The following FGFR1 variants were observed in gnomAD, a reference collection of about 807,000 sequenced individuals.
The protein encoded by FGFR1 is FGFR1/PLAG1 fusion.
In FGFR1, 18 loss-of-function variants were observed where a neutral mutation model predicts 93.7. The ratio of observed to expected loss-of-function variants is 0.19; its 90% CI spans 0.13 to 0.28. The LOEUF (loss-of-function observed/expected upper bound fraction) is 0.28. Among genes scored for constraint, FGFR1 ranks in the 10% least tolerant of loss-of-function variants. The probability of loss-of-function intolerance (pLI) is 1.00; values close to 1 mark genes in which losing one functional copy is unlikely to be tolerated. For synonymous variants in FGFR1, 448 were observed against 429.3 expected, an observed-to-expected ratio of 1.04 and a Z score of -0.54; for missense variants, 731 against 1,080.4, an observed-to-expected ratio of 0.68 and a Z score of 4.53.
intron 2 of FGFR1, among the ~76,000 whole-genome samples, chr8:38,453,630 G>T (rs1307996510): frequency 6.6e-6 from 1 of 152,148 alleles, no homozygotes; most frequent in Non-Finnish European, 1.5e-5. Flanking sequence ...GGCCAGGTGT[G>T]GTGGCTCACA....
Position 38,417,302 on chromosome 8 carries a change from C to T in FGFR1, c.1663+4G>A, listed in dbSNP as rs1817026274. On this transcript the variant is annotated splice_donor_region_variant and intron_variant, in intron 12 of 17. Transcript: ENST00000447712. ...CAGGGAAAGCCAGTCTGGCCGGCACCCACCATCCTGCGTGCAGGCCCCCAG... is the reference window on the plus strand; with the variant it reads ...CAGGGAAAGCCAGTCTGGCCGGCACTCACCATCCTGCGTGCAGGCCCCCAG... 1 of 1,608,898 alleles carries T rather than the reference C, an allele frequency of 6.2e-7. No homozygotes were observed. Among genetic ancestry groups the T allele is most frequent in the Non-Finnish European group, 8.5e-7 (1 of 1,176,620 alleles).
chr8:38,414,400 C>A, intron 15 of FGFR1, 111 bp from the exon 16 acceptor site: 27 of 1,572,554 alleles, frequency 1.7e-5, no homozygotes, highest in Non-Finnish European at 2.3e-5. Context: ...AACAGATCAG[C>A]CTTTCAACAT....
rs1006873781 is a variant in FGFR1 at position 38,428,288 on chromosome 8, C to T, written c.448+58G>A. 2.6e-6 allele frequency: 4 copies of T among 1,562,980 alleles called. No homozygotes were observed. The African/African-American group carries it at 5.4e-5, about 21-fold the overall frequency. ...TTCCTCCCCTTTCAGCCTTCCCCTC[C>T]CCTCTTAAACCCAATGCCCAGACCC... On this transcript the variant is annotated intron_variant, in intron 4 of 17. Coordinates refer to ENST00000447712, the MANE Select transcript of FGFR1 (RefSeq NM_023110.3).
chr8:38,467,191 G>C (rs1586831358), intron 1 of FGFR1, among the ~76,000 whole-genome samples: 1 of 151,914 alleles, frequency 6.6e-6, no homozygotes, highest in African/African-American at 2.4e-5. Flanking sequence ...CCCACACCTC[G>C]GCTTAACGAC....
At chr8:38,433,679 C>T (rs1586447781) in intron 2 of FGFR1, among the ~76,000 whole-genome samples, 2 of 152,202 alleles carry the variant, frequency 1.3e-5, no homozygotes, top group African/African-American at 4.8e-5. Context: ...ATCAATGTCT[C>T]ATCTCTAATT....
In FGFR1 at chr8:38,426,293, C is replaced by A; in HGVS notation, c.622-48G>T. On this transcript the variant is annotated intron_variant, in intron 5 of 17. Transcript: ENST00000447712. This position sits in a 1 kb window ranked among gnomAD's most constrained non-coding sequence, Gnocchi z 4.1. ...TACATTGAGGGTCCAGAGGAAAATG[C>A]AGGCCCCATGACAATGTCGGCACCC... 1 of 1,612,070 alleles carries A rather than the reference C, an allele frequency of 6.2e-7. No homozygotes were observed. Among genetic ancestry groups the A allele is most frequent in the South Asian group, 1.1e-5 (1 of 90,998 alleles).
intron 3 of FGFR1, 96 bp from the exon 4 acceptor site, chr8:38,428,531 A>G: frequency 1.1e-6 from 1 of 914,550 alleles, no homozygotes; most frequent in Non-Finnish European, 1.8e-6. Flanking sequence ...CACCCTCCCC[A>G]TGGGGATCCC....
intron 2 of FGFR1, among the ~76,000 whole-genome samples, chr8:38,444,157 T>G (rs1222488594): frequency 2.0e-5 from 3 of 151,972 alleles, no homozygotes; most frequent in African/African-American, 7.3e-5. Context: ...TGATCCTTTG[T>G]TGGTTCCAAA....
In FGFR1 at chr8:38,420,156, C is replaced by A. The variant is rs17182387; in HGVS notation, c.1082-421G>T. The A allele has an allele frequency of 3.6e-3, 692 of 194,218 alleles. 8 individuals are homozygous for A. The highest frequency in any genetic ancestry group is 0.015 in the African/African-American group (661 of 43,630). 12.0% of individuals were successfully genotyped at this position (194,218 alleles called of 1,614,324 possible). A position where few individuals can be genotyped will look rare whatever the true frequency, so the allele number is the denominator to read the frequency against. On this transcript the variant is annotated intron_variant, in intron 8 of 17. Transcript: ENST00000447712. ...CTCAGCACTGTGTGCATGCACTTAACATGCGGGGACACAGATGTTTCTGAG... is the reference window on the plus strand; with the variant it reads ...CTCAGCACTGTGTGCATGCACTTAAAATGCGGGGACACAGATGTTTCTGAG...
chr8:38,428,704 T>G, intron 3 of FGFR1: 1 of 506,114 alleles, frequency 2.0e-6, no homozygotes, highest in Non-Finnish European at 3.6e-6. Flanking sequence ...TTAACTTAAT[T>G]CCGTCCTACA....
intron 9 of FGFR1, 146 bp downstream of exon 9, chr8:38,419,387 A>G: frequency 1.3e-6 from 1 of 760,336 alleles, no homozygotes; most frequent in Non-Finnish European, 2.3e-6. Context: ...ACTCTAGAGC[A>G]CTTAGTTCAT....
At chr8:38,461,211 T>C (rs906214494) in intron 1 of FGFR1, 11 of 1,421,660 alleles carry the variant, frequency 7.7e-6, no homozygotes, top group African/African-American at 4.2e-5. Context: ...TCTGGTGAGA[T>C]AGCAGGGGCT....
chr8:38,451,609 T>C (rs757628184), intron 2 of FGFR1, among the ~76,000 whole-genome samples: 3 of 152,058 alleles, frequency 2.0e-5, no homozygotes, highest in Non-Finnish European at 4.4e-5. Context: ...GAGGCCAGAA[T>C]GGAAATGTGT....
rs2150753606 is a variant in FGFR1, at chr8:38,421,832, A to T, written c.1046T>A (p.Leu349His). The T allele has an allele frequency of 1.9e-6, 3 of 1,614,088 alleles. No individual in the cohort carries two copies. The highest frequency in any genetic ancestry group is 2.5e-6 in the Non-Finnish European group (3 of 1,180,006). The change falls in exon 8 of 18, where the codon CTC (leucine) becomes CAC (histidine). Residue 349 changes from leucine to histidine, a missense_variant. Coordinates refer to ENST00000447712, the MANE Select transcript of FGFR1 (RefSeq NM_023110.3). ...GGTCAACCATGCAGAGTGATGGGAG[A>T]GTCCGATAGAGTTACCCGCCAAGCA... Reference protein sequence around the residue: ...YTCLAGNSIGLSHHSAWLTVL... With the variant: ...YTCLAGNSIGHSHHSAWLTVL...
At chr8:38,455,148 CTA>C (rs1309444860) in intron 2 of FGFR1, among the ~76,000 whole-genome samples, 12 of 151,856 alleles carry the variant, frequency 7.9e-5, no homozygotes, top group Non-Finnish European at 1.8e-4. Flanking sequence ...GCTAATTTTT[CTA>C]TTTTTTGTAG....
intron 2 of FGFR1, among the ~76,000 whole-genome samples, chr8:38,433,144 C>T (rs769509171): frequency 1.8e-4 from 28 of 152,018 alleles, no homozygotes; most frequent in Non-Finnish European, 4.0e-4. Flanking sequence ...TCAAGACCAG[C>T]CTAGGCAACA....
At chr8:38,416,450 T>TC (rs1816663940) in intron 12 of FGFR1, among the ~76,000 whole-genome samples, 2 of 80,094 alleles carry the variant, frequency 2.5e-5, no homozygotes, top group African/African-American at 9.9e-5. Flanking sequence ...CCTGGCTAAT[T>TC]TTTTTTTTTT....
chr8:38,468,310 T>C lies in FGFR1; in HGVS notation c.-418A>G, dbSNP rs1835966697. 4.4e-6 allele frequency: 1 copy of C among 226,744 alleles called. No individual in the cohort carries two copies. Among genetic ancestry groups the C allele is most frequent in the African/African-American group, 2.2e-5 (1 of 44,572 alleles). The allele number at this position is 226,744 out of a possible 1,614,324, so 14.0% of individuals were successfully genotyped here. Reference sequence around the variant, plus strand: ...CACTTTCCTTGCAGACCGGGCTCCATCGCCCTGCGGAGGCCCCGGCGCCGC... The same window carrying C: ...CACTTTCCTTGCAGACCGGGCTCCACCGCCCTGCGGAGGCCCCGGCGCCGC... On this transcript the variant is annotated 5_prime_UTR_variant, in exon 1 of 18. The change abolishes an upstream ATG in the 5' untranslated region. Transcript: ENST00000447712.
Position 38,424,421 on chromosome 8 carries a change from A to G in FGFR1, c.936+88T>C. 1 of 1,449,024 alleles carries G rather than the reference A, an allele frequency of 6.9e-7. No homozygotes were observed. The highest frequency in any genetic ancestry group is 1.1e-5 in the South Asian group (1 of 86,968). The allele number at this position is 1,449,024 out of a possible 1,614,324, so 89.8% of individuals were successfully genotyped here. On this transcript the variant is annotated intron_variant, in intron 7 of 17. Transcript: ENST00000447712. The surrounding 1 kb of genome is among the most constrained non-coding windows in gnomAD (Gnocchi z 4.3). ...GTGAGGAATGATCCCATTCGGGGGCAACTGAGCCTGCCCACAGGAACTTGA... is the reference window on the plus strand; with the variant it reads ...GTGAGGAATGATCCCATTCGGGGGCGACTGAGCCTGCCCACAGGAACTTGA...
Sources: allele counts gnomAD v4.1 joint callset (sites outside exome capture counted in the v4.1 genomes callset), GRCh38; gene constraint gnomAD v4.1.1; non-coding constraint Gnocchi (gnomAD v3.1); transcripts MANE v1.5; gene names NCBI Gene and HGNC (gene_info 2026-07-23, HGNC 2026-07-21).